Variants in TMEM132C observed in about 807,000 individuals in gnomAD.
The protein encoded by TMEM132C is transmembrane protein 132C, also known as protein phosphatase 1, regulatory subunit 152.
TMEM132C carries 29 observed loss-of-function variants against 61.4 expected under a neutral mutation model. The ratio of observed to expected loss-of-function variants is 0.47; its 90% confidence interval spans 0.35 to 0.64. The LOEUF (loss-of-function observed/expected upper bound fraction) is 0.64. TMEM132C is among the 30% of genes least tolerant of loss of function. TMEM132C has a pLI of 0.00. For missense variants in TMEM132C, 1,408 were observed against 1,476.9 expected (o/e 0.95, Z 0.76); for synonymous variants, 656 against 633.1 (o/e 1.04, Z -0.54).
intron 2 of TMEM132C, among the ~76,000 whole-genome samples, chr12:128,443,993 A>G (rs1869884302): frequency 1.3e-5 from 2 of 152,152 alleles, no homozygotes; most frequent in Non-Finnish European, 2.9e-5. Context: ...TACCAGTCAT[A>G]GCTCACTGTA....
intron 1 of TMEM132C, among the ~76,000 whole-genome samples, chr12:128,388,977 G>A (rs74937095): frequency 3.3e-5 from 5 of 152,100 alleles, no homozygotes; most frequent in Admixed American, 6.5e-5. Flanking sequence ...ACAGAAGACC[G>A]TGACAGTTTG....
chr12:128,404,636 A>G (rs1381155552), intron 1 of TMEM132C: 1 of 139,840 alleles, frequency 7.2e-6, no homozygotes, highest in South Asian at 2.3e-4. Context: ...ATTCCATTCA[A>G]CCTCCTCAGG....
intron 3 of TMEM132C, among the ~76,000 whole-genome samples, chr12:128,563,236 A>C (rs918499045): frequency 4.6e-5 from 7 of 152,244 alleles, no homozygotes; most frequent in Admixed American, 3.9e-4. Context: ...AAATACTCAG[A>C]GAATGAATGT....
intron 1 of TMEM132C, among the ~76,000 whole-genome samples, chr12:128,312,585 A>G (rs1872008821): frequency 1.3e-5 from 2 of 152,180 alleles, no homozygotes; most frequent in African/African-American, 4.8e-5. Flanking sequence ...ATAGAAGGCG[A>G]TGTAGCAATG....
chr12:128,556,997 G>C (rs970110566), intron 3 of TMEM132C, among the ~76,000 whole-genome samples: 5 of 152,182 alleles, frequency 3.3e-5, no homozygotes, highest in Admixed American at 1.3e-4. Flanking sequence ...CAACATGAAA[G>C]TGAAAAACAG....
At chr12:128,440,612 T>C (rs770474184) in intron 2 of TMEM132C, among the ~76,000 whole-genome samples, 1 of 152,224 alleles carries the variant, frequency 6.6e-6, no homozygotes, top group Non-Finnish European at 1.5e-5. Context: ...AATCAGTATA[T>C]CACATGGCCA....
At position 128,488,101 on chromosome 12, in the gene TMEM132C, A is replaced by G. The variant is rs1871567115; in HGVS notation, c.975-55856A>G. On this transcript the variant is annotated intron_variant, in intron 2 of 8. Transcript: ENST00000435159. ...CAGTTCCCACGGTGTAACTACTCAC[A>G]CCATAGCTAATTTCAAAGATGGCTG... is the stretch of plus-strand genomic sequence containing the variant. Among the ~76,000 whole-genome samples the G allele has an allele frequency of 2.6e-5, 4 of 152,192 alleles. No individual in the cohort carries two copies. In the South Asian group the frequency reaches 8.3e-4, roughly 32 times the overall value.
At chr12:128,587,443 A>G (rs113984411) in intron 3 of TMEM132C, among the ~76,000 whole-genome samples, 5 of 152,334 alleles carry the variant, frequency 3.3e-5, no homozygotes, top group African/African-American at 1.2e-4. Flanking sequence ...CCCCACCCTC[A>G]TGACCTAATC....
chr12:128,614,895 C>T (rs1309978239), intron 3 of TMEM132C, among the ~76,000 whole-genome samples: 1 of 152,192 alleles, frequency 6.6e-6, no homozygotes, highest in Non-Finnish European at 1.5e-5. Context: ...AAGGTCCAAC[C>T]TCTGCAGAGG....
intron 2 of TMEM132C, among the ~76,000 whole-genome samples, chr12:128,450,953 T>C (rs1184572843): frequency 6.6e-6 from 1 of 152,244 alleles, no homozygotes; most frequent in Admixed American, 6.5e-5. Context: ...TTTTTCTTGT[T>C]TCATTTGGCT....
intron 2 of TMEM132C, among the ~76,000 whole-genome samples, chr12:128,471,783 T>C (rs1244471288): frequency 2.6e-5 from 4 of 152,220 alleles, no homozygotes; most frequent in Admixed American, 2.0e-4. Context: ...ATGTGGAAGA[T>C]TGAATGAATT....
rs146422490 is a variant in TMEM132C, at chr12:128,630,624, G to A, written c.1305+14289G>A. Among the ~76,000 whole-genome samples, 148 of 152,260 alleles carry A rather than the reference G, an allele frequency of 9.7e-4. No individual in the cohort carries two copies. Among genetic ancestry groups the A allele is most frequent in the African/African-American group, 3.1e-3 (128 of 41,552 alleles). On this transcript the variant is annotated intron_variant, in intron 4 of 8. Coordinates refer to ENST00000435159, the MANE Select transcript of TMEM132C (RefSeq NM_001136103.3). This position sits in a 1 kb window ranked among gnomAD's most constrained non-coding sequence, Gnocchi z 4.3. ...TCCATCGTCCATGTTCCCTCTGGGC[G>A]GTCATGCCCAGAGGCTCGGGAACTT...
At chr12:128,463,591 T>C (rs931687772) in intron 2 of TMEM132C, among the ~76,000 whole-genome samples, 4 of 152,064 alleles carry the variant, frequency 2.6e-5, no homozygotes, top group Non-Finnish European at 2.9e-5. Context: ...AGTGCTGAGA[T>C]TACAGGTGTG....
intron 1 of TMEM132C, among the ~76,000 whole-genome samples, chr12:128,381,539 T>C (rs1244796713): frequency 1.3e-5 from 2 of 152,150 alleles, no homozygotes; most frequent in East Asian, 3.9e-4. Context: ...TTAATAATAA[T>C]ATAACCGACC....
chr12:128,343,624 A>G lies in TMEM132C; in HGVS notation c.86-71108A>G, dbSNP rs77026138. On this transcript the variant is annotated intron_variant, in intron 1 of 8. Transcript: ENST00000435159. ...TATTGAGACATAATTTACATGCATA[A>G]AATTAACCCTTTTAAAGTCTACGAG... Among the ~76,000 whole-genome samples the G allele has an allele frequency of 4.9e-3, 744 of 152,218 alleles. 6 individuals are homozygous for G. Among genetic ancestry groups the G allele is most frequent in the African/African-American group, 0.017 (706 of 41,526 alleles).
intron 1 of TMEM132C, among the ~76,000 whole-genome samples, chr12:128,378,119 GTTTT>G (rs55959629): frequency 3.4e-5 from 5 of 145,350 alleles, no homozygotes; most frequent in African/African-American, 1.0e-4. Flanking sequence ...GTTTTTTTTT[GTTTT>G]TTTTTTTTTG....
intron 1 of TMEM132C, among the ~76,000 whole-genome samples, chr12:128,376,841 G>C (rs1874207481): frequency 6.6e-6 from 1 of 152,212 alleles, no homozygotes. Flanking sequence ...ACAGGTCTCT[G>C]TTCTCCTGAG....
chr12:128,539,651 T>C (rs1873665541), intron 2 of TMEM132C, among the ~76,000 whole-genome samples: 1 of 152,096 alleles, frequency 6.6e-6, no homozygotes, highest in Non-Finnish European at 1.5e-5. Context: ...GTGGAAACAC[T>C]GAGCTCATAG....
rs753269750 is a variant in TMEM132C at position 128,705,967 on chromosome 12, G to A, written c.2999G>A (p.Arg1000His). The change falls in exon 9 of 9, where the codon CGC becomes CAC. Residue 1000 changes from arginine (R) to histidine (H), a missense_variant. By Grantham distance (29) the Arg-to-His change is conservative. Transcript: ENST00000435159. Reference sequence around the variant, plus strand: ...GACGAGCACACCACCATCATAGACCGCGGACCGGGGGCCTGCGAGGAGAGC... The same window carrying A: ...GACGAGCACACCACCATCATAGACCACGGACCGGGGGCCTGCGAGGAGAGC... ...PQDEHTTIID[R>H]GPGACEESNH... is the part of the protein sequence containing the mutation. 104 of 1,551,452 alleles carry A rather than the reference G, an allele frequency of 6.7e-5. No homozygotes were observed. The Middle Eastern group carries it at 8.3e-4, about 12-fold the overall frequency.
Sources: allele counts gnomAD v4.1 joint callset (sites outside exome capture counted in the v4.1 genomes callset), GRCh38; gene constraint gnomAD v4.1.1; non-coding constraint Gnocchi (gnomAD v3.1); transcripts MANE v1.5; gene names NCBI Gene and HGNC (gene_info 2026-07-23, HGNC 2026-07-21).